The following DST variants were observed in gnomAD, a reference collection of about 807,000 sequenced individuals.
DST encodes the protein bullous pemphigoid antigen.
Under a neutral mutation model 875.2 loss-of-function variants are expected in DST, and 253 were observed. The ratio of observed to expected loss-of-function variants is 0.29; its 90% CI spans 0.26 to 0.32. The LOEUF is 0.32. Among genes scored for constraint, DST ranks in the 10% least tolerant of loss-of-function variants. The pLI, the probability that DST is intolerant of heterozygous loss-of-function variation, is 1.00. For synonymous variants in DST, 3,124 were observed against 3,197.1 expected, an observed-to-expected ratio of 0.98 and a Z score of 0.77; for missense variants, 8,287 against 9,111.6, an observed-to-expected ratio of 0.91 and a Z score of 3.68.
intron 10 of DST, among the ~76,000 whole-genome samples, chr6:56,655,991 T>C (rs2099006088): frequency 6.6e-6 from 1 of 152,246 alleles, no homozygotes; most frequent in African/African-American, 2.4e-5. Context: ...CATTAACTTT[T>C]GAGGATTAAA....
At chr6:56,632,820 TG>T in intron 28 of DST, 33 bp downstream of exon 28, 2 of 1,592,102 alleles carry the variant, frequency 1.3e-6, no homozygotes, top group Non-Finnish European at 8.6e-7. Flanking sequence ...TAAACACCTA[TG>T]GGGAAAAAAA....
intron 69 of DST, among the ~76,000 whole-genome samples, chr6:56,524,585 CTCCCAGCTCTAAACATCTGTGTG>C (rs1412639314): frequency 6.6e-6 from 1 of 152,056 alleles, no homozygotes; most frequent in Non-Finnish European, 1.5e-5. Context: ...GGGCATGTTC[CTCCCAGCTCTAAACATCTGTGTG>C]TCTATGTAGC....
At position 56,640,558 on chromosome 6, in the gene DST, G is replaced by C. The variant is rs2098884991; in HGVS notation, c.2075C>G (p.Ser692Cys). The C allele has an allele frequency of 1.9e-6, 3 of 1,614,174 alleles. No individual in the cohort carries two copies. The highest frequency in any genetic ancestry group is 1.6e-4 in the Middle Eastern group (1 of 6,062). Residue 692 changes from serine to cysteine, a missense_variant, in exon 18 of 104, where the codon TCT becomes TGT. By Grantham distance (112) the Ser-to-Cys change is moderately radical. This residue lies in a region of DST where 1,160 missense variants were observed against 1,424.3 expected (regional missense o/e 0.81). Coordinates refer to ENST00000680361, the MANE Select transcript of DST (RefSeq NM_001374736.1). ...TATGCGTCCTTTGCTGTACACAGAA[G>C]AACATTCGTTCCTTAAGGCCATAAT... ...DEIMALRNEC[S>C]SVYSKGRILT...
At chr6:56,939,593 T>A (rs62417377) in intron 2 of DST, among the ~76,000 whole-genome samples, 7,813 of 152,302 alleles carry the variant, frequency 0.051, 333 homozygotes, top group East Asian at 0.16. Context: ...TCCCCTTATA[T>A]CTAGGCTTTC....
Position 56,546,384 on chromosome 6 carries a change from ATATAT to A in DST, c.16608+5795_16608+5799del, listed in dbSNP as rs1562696029. ...TATATATATATATATATATATATAT[ATATAT>A]AAATGTCAAAAAGTTCATTTAAAGA... is the stretch of plus-strand genomic sequence containing the variant. On this transcript the variant is annotated intron_variant, in intron 61 of 103. Coordinates refer to ENST00000680361, the MANE Select transcript of DST (RefSeq NM_001374736.1). Among the ~76,000 whole-genome samples, 45 of 125,718 alleles carry A rather than the reference ATATAT, an allele frequency of 3.6e-4. No individual in the cohort carries two copies. The East Asian group carries it at 4.7e-3, about 13-fold the overall frequency. The allele number at this position is 125,718 out of a possible 152,430, so 82.5% of individuals were successfully genotyped here.
chr6:56,786,181 A>C (rs556795931), intron 4 of DST, among the ~76,000 whole-genome samples: 2 of 152,234 alleles, frequency 1.3e-5, no homozygotes, highest in South Asian at 4.1e-4. Flanking sequence ...GAAGAAAAAC[A>C]ATTAAAGAGT....
intron 9 of DST, among the ~76,000 whole-genome samples, chr6:56,695,388 C>A (rs2099258111): frequency 6.7e-6 from 1 of 149,122 alleles, no homozygotes; most frequent in African/African-American, 2.6e-5. Flanking sequence ...GCCTTTACAG[C>A]AACACAAAAT....
intron 15 of DST, 116 bp downstream of exon 15, chr6:56,645,750 G>C: frequency 8.1e-7 from 1 of 1,229,944 alleles, no homozygotes; most frequent in East Asian, 2.3e-5. Flanking sequence ...AGGATCAAAA[G>C]GATTAAGAGA....
chr6:56,888,829 AAC>A (rs756279916), intron 3 of DST, among the ~76,000 whole-genome samples: 6 of 152,206 alleles, frequency 3.9e-5, no homozygotes, highest in African/African-American at 7.2e-5. Context: ...AAGACTGAAA[AAC>A]AGAAACCCAC....
chr6:56,854,722 T>C (rs1280650036), intron 3 of DST, among the ~76,000 whole-genome samples: 1 of 152,230 alleles, frequency 6.6e-6, no homozygotes, highest in Non-Finnish European at 1.5e-5. Flanking sequence ...AAAGATTTTA[T>C]GTCAAGGGTC....
At chr6:56,479,983 C>T (rs1172532459) in intron 90 of DST, among the ~76,000 whole-genome samples, 2 of 152,056 alleles carry the variant, frequency 1.3e-5, no homozygotes, top group Non-Finnish European at 2.9e-5. Flanking sequence ...TTGTCTTTAA[C>T]CTCTGTGAAG....
At chr6:56,688,284 G>A (rs1361126703) in intron 9 of DST, among the ~76,000 whole-genome samples, 4 of 152,110 alleles carry the variant, frequency 2.6e-5, no homozygotes, top group African/African-American at 4.8e-5. Context: ...TGTGGAGCAA[G>A]GCTAAACACA....
At position 56,599,939 on chromosome 6, in the gene DST, G is replaced by T. The variant is rs956862690; in HGVS notation, c.11694+130C>A. On this transcript the variant is annotated intron_variant, in intron 45 of 103. Transcript: ENST00000680361. The stretch of plus-strand genomic sequence containing the variant: ...ATAAAGTTTAAAGCTCAAGCCCAGG[G>T]CGTCTTGGGTATGCCTTGCTTCTAA... 5.5e-6 allele frequency: 4 copies of T among 732,576 alleles called. No homozygotes were observed. In the South Asian group the frequency reaches 1.1e-4, roughly 21 times the overall value. The allele number at this position is 732,576 out of a possible 1,614,324, so 45.4% of individuals were successfully genotyped here.
Position 56,600,067 on chromosome 6 carries a change from A to ACCCT in DST, c.11694+1_11694+2insAGGG. 1 of 1,609,426 alleles carries ACCCT rather than the reference A, an allele frequency of 6.2e-7. No individual in the cohort carries two copies. The highest frequency in any genetic ancestry group is 8.5e-7 in the Non-Finnish European group (1 of 1,177,876). The stretch of plus-strand genomic sequence containing the variant: ...ATCTGCTGATAGAAAACCAAATTCT[A>ACCCT]CCTCTTGCTTGGACTGATATTTCTT... On this transcript the variant is annotated splice_donor_variant, in intron 45 of 103. Transcript: ENST00000680361. LOFTEE classifies it high-confidence loss of function.
In DST at chr6:56,670,133, C is replaced by CGTGTGTGTGTGT. The variant is rs70989723; in HGVS notation, c.1214+496_1214+507dup. Among the ~76,000 whole-genome samples, 296 of 146,290 alleles carry CGTGTGTGTGTGT rather than the reference C, an allele frequency of 2.0e-3. 2 individuals are homozygous for CGTGTGTGTGTGT. Among genetic ancestry groups the CGTGTGTGTGTGT allele is most frequent in the Middle Eastern group, 6.8e-3 (2 of 294 alleles). On this transcript the variant is annotated intron_variant, in intron 10 of 103. Coordinates refer to ENST00000680361, the MANE Select transcript of DST (RefSeq NM_001374736.1). The stretch of plus-strand genomic sequence containing the variant: ...ACAGCTGTGTGTGCGAGCGCCCGTG[C>CGTGTGTGTGTGT]GTGTGTGTGTGTGTGTGTGTGTGTG...
chr6:56,879,760 A>G (rs1781218613), intron 3 of DST, among the ~76,000 whole-genome samples: 1 of 152,194 alleles, frequency 6.6e-6, no homozygotes, highest in South Asian at 2.1e-4. Flanking sequence ...CCCATTCTAA[A>G]CTGGAGGAAC....
intron 3 of DST, among the ~76,000 whole-genome samples, chr6:56,872,888 T>C (rs1778015666): frequency 7.2e-6 from 1 of 139,800 alleles, no homozygotes; most frequent in South Asian, 2.6e-4. Flanking sequence ...TGCTAGATCA[T>C]ATAGTAGTTC....
At chr6:56,933,550 G>C (rs1592658903) in intron 2 of DST, among the ~76,000 whole-genome samples, 1 of 152,212 alleles carries the variant, frequency 6.6e-6, no homozygotes. Context: ...AACAAGAGGG[G>C]AGAATGTCCA....
chr6:56,936,119 T>C (rs1812894519), intron 2 of DST, among the ~76,000 whole-genome samples: 1 of 152,174 alleles, frequency 6.6e-6, no homozygotes, highest in South Asian at 2.1e-4. Context: ...TCTTACCAAC[T>C]GTCAAAATCC....
Sources: gnomAD v4.1 joint callset for allele counts (sites outside exome capture counted in the v4.1 genomes callset) on GRCh38, gnomAD v4.1.1 for gene constraint, gnomAD v4.1.1 regional missense constraint, MANE v1.5 for transcripts, NCBI Gene and HGNC (gene_info 2026-07-23, HGNC 2026-07-21) for gene names.